EVI5: variants seen among roughly 807,000 people sequenced by gnomAD.
EVI5 encodes ecotropic viral integration site 5.
A neutral mutation model predicts 112.0 loss-of-function variants in EVI5; 73 were observed. That is an observed-to-expected ratio of 0.65 (90% CI 0.54 to 0.79). EVI5 has a LOEUF of 0.79. Among genes scored for constraint, EVI5 ranks in the 30% least tolerant of loss-of-function variants. The pLI, the probability that EVI5 is intolerant of heterozygous loss-of-function variation, is 0.00. For synonymous variants in EVI5, 305 were observed against 319.9 expected (o/e 0.95, Z 0.50); for missense variants, 900 against 968.8 (o/e 0.93, Z 0.94).
chr1:92,521,229 TGA>T, intron 19 of EVI5, among the ~76,000 whole-genome samples: 1 of 152,290 alleles, frequency 6.6e-6, no homozygotes, highest in Non-Finnish European at 1.5e-5. Flanking sequence ...CTCAAAGTGC[TGA>T]GATTACAGGC....
At chr1:92,625,579 G>A (rs1314754404) in intron 15 of EVI5, 2 of 420,718 alleles carry the variant, frequency 4.8e-6, no homozygotes, top group East Asian at 3.6e-5. Flanking sequence ...ATTATCTGAT[G>A]TCTACTGTAT....
chr1:92,627,842 C>T (rs541798917), intron 14 of EVI5, among the ~76,000 whole-genome samples: 1 of 151,528 alleles, frequency 6.6e-6, no homozygotes, highest in South Asian at 2.1e-4. Flanking sequence ...CAGGCTGGAG[C>T]GCAATGGCAC....
intron 1 of EVI5, among the ~76,000 whole-genome samples, chr1:92,752,301 A>C (rs1680306034): frequency 6.6e-6 from 1 of 151,988 alleles, no homozygotes; most frequent in African/African-American, 2.4e-5. Context: ...CAGCCTCCTG[A>C]GTACCTGGAA....
At chr1:92,566,650 T>C (rs1428665345) in intron 18 of EVI5, among the ~76,000 whole-genome samples, 2 of 152,122 alleles carry the variant, frequency 1.3e-5, no homozygotes, top group African/African-American at 4.8e-5. Flanking sequence ...CAAGAGATAT[T>C]CCAGAAGAAA....
intron 13 of EVI5, 126 bp from the exon 14 acceptor site, chr1:92,636,462 A>T: frequency 4.2e-6 from 3 of 713,816 alleles, no homozygotes; most frequent in Non-Finnish European, 6.6e-6. Context: ...AGTTCCATCT[A>T]CCCAATATTT....
In EVI5 at chr1:92,691,996, G is replaced by A. The variant is rs549466454; in HGVS notation, c.1097+1806C>T. Among the ~76,000 whole-genome samples, 5 of 152,218 alleles carry A rather than the reference G, an allele frequency of 3.3e-5. No individual in the cohort carries two copies. The South Asian group carries it at 1.0e-3, about 32-fold the overall frequency. ...ATATAAATATACATGGAAGGCCACT[G>A]GAAACATAATTTACTGTCAGCAATC... is the stretch of plus-strand genomic sequence containing the variant. On this transcript the variant is annotated intron_variant, in intron 9 of 19. Transcript: ENST00000684568.
chr1:92,720,833 AAAAC>A (rs1435415242), intron 2 of EVI5, among the ~76,000 whole-genome samples: 20 of 152,236 alleles, frequency 1.3e-4, no homozygotes, highest in African/African-American at 9.6e-5. Context: ...TTACAAGAAA[AAAAC>A]AAACAACCCC....
chr1:92,656,682 T>C (rs1432553051), intron 13 of EVI5, among the ~76,000 whole-genome samples: 1 of 151,450 alleles, frequency 6.6e-6, no homozygotes, highest in African/African-American at 2.4e-5. Context: ...AATTAACAAG[T>C]GATCAGAAAT....
At chr1:92,785,577 G>C (rs1325227029), upstream of EVI5, among the ~76,000 whole-genome samples, 1 of 152,212 alleles carries the variant, frequency 6.6e-6, no homozygotes, top group East Asian at 1.9e-4. Flanking sequence ...TCTTACACGT[G>C]TCTTCGCATT....
At chr1:92,547,213 T>C (rs1008657606) in intron 19 of EVI5, among the ~76,000 whole-genome samples, 4 of 152,136 alleles carry the variant, frequency 2.6e-5, no homozygotes, top group Admixed American at 2.0e-4. Flanking sequence ...ACTGATCAAC[T>C]ACATGGAAAC....
chr1:92,789,985 A>G (rs896427710), upstream of EVI5, among the ~76,000 whole-genome samples: 4 of 152,164 alleles, frequency 2.6e-5, no homozygotes, highest in African/African-American at 9.6e-5. Context: ...AGCAACCACT[A>G]GAGATACTAG....
chr1:92,672,076 A>G (rs1045237388), intron 10 of EVI5, among the ~76,000 whole-genome samples: 14 of 152,008 alleles, frequency 9.2e-5, no homozygotes, highest in Non-Finnish European at 1.8e-4. Context: ...AAGTGCTGGG[A>G]TTACAGGCAT....
chr1:92,777,051 CT>C (rs1457160593), intron 1 of EVI5, among the ~76,000 whole-genome samples: 4 of 152,086 alleles, frequency 2.6e-5, no homozygotes, highest in Non-Finnish European at 5.9e-5. Flanking sequence ...ATCCACCCGC[CT>C]TGGCCTCCCA....
chr1:92,557,239 T>C (rs1198451703), intron 19 of EVI5, among the ~76,000 whole-genome samples: 2 of 152,130 alleles, frequency 1.3e-5, no homozygotes, highest in African/African-American at 4.8e-5. Context: ...ATAGTTCTTT[T>C]TTTTTTCCAG....
intron 18 of EVI5, among the ~76,000 whole-genome samples, chr1:92,586,120 A>T (rs1672736862): frequency 6.6e-6 from 1 of 152,206 alleles, no homozygotes; most frequent in Admixed American, 6.5e-5. Flanking sequence ...ATGTCACATG[A>T]TATCAAGGGT....
rs1188947646 is a variant in EVI5 at position 92,782,062 on chromosome 1, C to T, written c.-82+2774G>A. On this transcript the variant is annotated intron_variant, in intron 1 of 19. Transcript: ENST00000684568. ...GATCATGAGGTCAAGAAATCAAGAC[C>T]ACCCTGGCCAACATGGTGAAGCCCT... Among the ~76,000 whole-genome samples the T allele has an allele frequency of 2.0e-5, 3 of 151,496 alleles. No homozygotes were observed. The East Asian group carries it at 5.8e-4, about 29-fold the overall frequency.
intron 18 of EVI5, among the ~76,000 whole-genome samples, chr1:92,588,186 A>C (rs1282294737): frequency 6.6e-6 from 1 of 152,202 alleles, no homozygotes; most frequent in Non-Finnish European, 1.5e-5. Context: ...TATTTTTTGA[A>C]TCAGTTCAAT....
chr1:92,625,891 T>C lies in EVI5; in HGVS notation c.1571A>G (p.Gln524Arg), dbSNP rs1243071558. ...AAGTTTCACAGCAATGAGTTCTTCC[T>C]GAAGCCTTGCAATATTATTCTCATC... is the stretch of plus-strand genomic sequence containing the variant. ...LPDENNIARL[Q>R]EELIAVKLRE... The change falls in exon 15 of 20, where the codon CAG becomes CGG. Residue 524 changes from glutamine (Q) to arginine (R), a missense_variant. Physicochemically the swap from Gln to Arg is conservative, Grantham distance 43. Transcript: ENST00000684568. 2 of 1,609,064 alleles carry C rather than the reference T, an allele frequency of 1.2e-6. No individual in the cohort carries two copies. Among genetic ancestry groups the C allele is most frequent in the Non-Finnish European group, 1.7e-6 (2 of 1,175,692 alleles).
chr1:92,567,664 ACT>A (rs1175930779), intron 18 of EVI5, among the ~76,000 whole-genome samples: 1 of 152,164 alleles, frequency 6.6e-6, no homozygotes. Context: ...GTGTAAGCAC[ACT>A]CTATGATTCA....
Sources: allele counts gnomAD v4.1 joint callset (sites outside exome capture counted in the v4.1 genomes callset), GRCh38; gene constraint gnomAD v4.1.1; transcripts MANE v1.5; gene names NCBI Gene and HGNC (gene_info 2026-07-23, HGNC 2026-07-21).